AUTS2: variants seen among roughly 807,000 people sequenced by gnomAD.
AUTS2 encodes autism susceptibility gene 2 protein.
A neutral mutation model predicts 112.4 loss-of-function variants in AUTS2; 17 were observed. That is an observed-to-expected ratio of 0.15 (90% CI 0.10 to 0.23). AUTS2 has a LOEUF of 0.23. Among genes scored for constraint, AUTS2 ranks in the 10% least tolerant of loss-of-function variants. The pLI is 1.00. For missense variants in AUTS2, 1,510 were observed against 1,701.6 expected (o/e 0.89, Z 1.98); for synonymous variants, 751 against 702.7 (o/e 1.07, Z -1.09).
intron 2 of AUTS2, among the ~76,000 whole-genome samples, chr7:69,923,137 G>T (rs1198646692): frequency 6.6e-6 from 1 of 152,086 alleles, no homozygotes; most frequent in African/African-American, 2.4e-5. Context: ...GACTGTGCCT[G>T]TTTGATTTTA....
chr7:69,914,393 AC>A (rs1795488756), intron 2 of AUTS2, among the ~76,000 whole-genome samples: 4 of 151,118 alleles, frequency 2.6e-5, no homozygotes, highest in East Asian at 2.0e-4. Flanking sequence ...ACACACACAC[AC>A]AAACAATCCA....
chr7:70,587,067 T>C (rs1308356843), intron 5 of AUTS2, among the ~76,000 whole-genome samples: 1 of 152,152 alleles, frequency 6.6e-6, no homozygotes, highest in Non-Finnish European at 1.5e-5. Context: ...GCATTCCATA[T>C]GGCAAGGGAT....
At chr7:70,085,739 C>T (rs1803565283) in intron 2 of AUTS2, among the ~76,000 whole-genome samples, 1 of 152,152 alleles carries the variant, frequency 6.6e-6, no homozygotes, top group Admixed American at 6.5e-5. Context: ...CAGTGAATTA[C>T]CTTTGCATCC....
intron 2 of AUTS2, among the ~76,000 whole-genome samples, chr7:70,020,425 A>C (rs1480641363): frequency 1.3e-5 from 2 of 152,138 alleles, no homozygotes; most frequent in Non-Finnish European, 2.9e-5. Flanking sequence ...CAAGAGAGAG[A>C]CTGTCAGTTC....
chr7:70,600,050 A>G (rs773934137), intron 5 of AUTS2, among the ~76,000 whole-genome samples: 4 of 152,198 alleles, frequency 2.6e-5, no homozygotes, highest in Non-Finnish European at 5.9e-5. Flanking sequence ...CAGCTACTGA[A>G]TCAGAAACTA....
chr7:70,007,382 T>C (rs1799592245), intron 2 of AUTS2, among the ~76,000 whole-genome samples: 2 of 152,170 alleles, frequency 1.3e-5, no homozygotes, highest in African/African-American at 4.8e-5. Flanking sequence ...ATAACCACTC[T>C]TACATTTGGT....
chr7:70,314,927 G>A (rs1171557587), intron 4 of AUTS2, among the ~76,000 whole-genome samples: 2 of 151,952 alleles, frequency 1.3e-5, no homozygotes, highest in Non-Finnish European at 2.9e-5. Flanking sequence ...GAACTCTAGC[G>A]AGTTTCCTCC....
At chr7:69,941,296 C>T (rs1261633347) in intron 2 of AUTS2, among the ~76,000 whole-genome samples, 1 of 152,130 alleles carries the variant, frequency 6.6e-6, no homozygotes, top group Admixed American at 6.5e-5. Context: ...AATGCCACAT[C>T]TATAAGGAAT....
intron 4 of AUTS2, among the ~76,000 whole-genome samples, chr7:70,284,788 C>T (rs1012206244): frequency 2.0e-5 from 3 of 152,146 alleles, no homozygotes; most frequent in Admixed American, 6.5e-5. Context: ...CCACTTTCAG[C>T]TGGTCTACTC....
chr7:69,945,817 T>G (rs116491196), intron 2 of AUTS2, among the ~76,000 whole-genome samples: 1 of 152,252 alleles, frequency 6.6e-6, no homozygotes, highest in African/African-American at 2.4e-5. Flanking sequence ...CAACCACCAT[T>G]CTACTCTCTG....
intron 4 of AUTS2, among the ~76,000 whole-genome samples, chr7:70,295,563 A>C (rs1480099442): frequency 2.0e-5 from 3 of 152,062 alleles, no homozygotes; most frequent in Admixed American, 6.6e-5. Flanking sequence ...CTGCATATTT[A>C]ATCAGTTAAA....
At chr7:70,000,472 G>A (rs1185147775) in intron 2 of AUTS2, among the ~76,000 whole-genome samples, 1 of 152,182 alleles carries the variant, frequency 6.6e-6, no homozygotes, top group Non-Finnish European at 1.5e-5. Context: ...TGAAAGAACA[G>A]CAGTGGGACA....
intron 5 of AUTS2, among the ~76,000 whole-genome samples, chr7:70,543,085 G>C (rs1013888142): frequency 6.6e-6 from 1 of 152,172 alleles, no homozygotes; most frequent in Non-Finnish European, 1.5e-5. Flanking sequence ...TAAACCAACT[G>C]TCTTGTGGAA....
chr7:69,993,531 G>A (rs771987410), intron 2 of AUTS2, among the ~76,000 whole-genome samples: 1 of 152,126 alleles, frequency 6.6e-6, no homozygotes, highest in Non-Finnish European at 1.5e-5. Context: ...GATTACTTGA[G>A]CCCAGGACTT....
intron 4 of AUTS2, 85 bp from the exon 5 acceptor site, chr7:70,435,666 TG>T: frequency 7.5e-6 from 10 of 1,336,362 alleles, no homozygotes; most frequent in Non-Finnish European, 8.5e-6. Flanking sequence ...GCACTTTTTT[TG>T]TATGGGGGTT....
At chr7:70,744,575 G>A (rs1000961284) in intron 6 of AUTS2, among the ~76,000 whole-genome samples, 11 of 152,176 alleles carry the variant, frequency 7.2e-5, no homozygotes, top group Admixed American at 1.3e-4. Flanking sequence ...TTGTGAACCC[G>A]GGGAACAGTA....
intron 5 of AUTS2, among the ~76,000 whole-genome samples, chr7:70,674,575 C>T (rs959589624): frequency 1.3e-5 from 2 of 152,200 alleles, no homozygotes; most frequent in Admixed American, 6.5e-5. Flanking sequence ...AACGCGATCC[C>T]GCGGCACCTG....
intron 2 of AUTS2, among the ~76,000 whole-genome samples, chr7:69,918,903 G>A (rs777450892): frequency 1.3e-5 from 2 of 152,120 alleles, no homozygotes; most frequent in African/African-American, 2.4e-5. Flanking sequence ...GGGCACAGGC[G>A]AACTATTTTA....
intron 1 of AUTS2, among the ~76,000 whole-genome samples, chr7:69,746,059 G>A (rs1787485184): frequency 6.6e-6 from 1 of 151,228 alleles, no homozygotes; most frequent in African/African-American, 2.4e-5. Context: ...TTTTAATTTA[G>A]AGACACGGTC....
Sources: allele counts gnomAD v4.1 joint callset (sites outside exome capture counted in the v4.1 genomes callset), GRCh38; gene constraint gnomAD v4.1.1; transcripts MANE v1.5; gene names NCBI Gene and HGNC (gene_info 2026-07-23, HGNC 2026-07-21).